The following ESRRG variants were observed in gnomAD, a reference collection of about 807,000 sequenced individuals.
ESRRG encodes estrogen related receptor gamma, also known as estrogen-related receptor gamma.
In ESRRG, 13 loss-of-function variants were observed where a neutral mutation model predicts 44.0. The ratio of observed to expected loss-of-function variants is 0.30; its 90% CI spans 0.19 to 0.47. The LOEUF (loss-of-function observed/expected upper bound fraction) is 0.47, where lower values mean the gene tolerates loss of function less well. Among genes scored for constraint, ESRRG ranks in the 20% least tolerant of loss-of-function variants. ESRRG has a pLI of 1.00. For missense variants in ESRRG, 395 were observed against 580.6 expected, an observed-to-expected ratio of 0.68 and a Z score of 3.29; for synonymous variants, 215 against 214.6, an observed-to-expected ratio of 1.00 and a Z score of -0.02.
chr1:216,923,982 C>T (rs958336264), intron 2 of ESRRG, among the ~76,000 whole-genome samples: 15 of 152,242 alleles, frequency 9.9e-5, no homozygotes, highest in African/African-American at 2.9e-4. Flanking sequence ...TGTTTACCTA[C>T]GAAGAAGATT....
intron 5 of ESRRG, among the ~76,000 whole-genome samples, chr1:216,559,001 C>T (rs1277522270): frequency 6.6e-6 from 1 of 151,976 alleles, no homozygotes. Flanking sequence ...TCCTGAGTAA[C>T]TGGGATTACA....
intron 1 of ESRRG, among the ~76,000 whole-genome samples, chr1:216,697,779 A>G (rs2080477608): frequency 6.6e-6 from 1 of 152,232 alleles, no homozygotes; most frequent in Admixed American, 6.5e-5. Context: ...GACAACTTCT[A>G]AAACTGCTTA....
intron 5 of ESRRG, among the ~76,000 whole-genome samples, chr1:216,540,551 T>G (rs2052395123): frequency 6.6e-6 from 1 of 151,994 alleles, no homozygotes; most frequent in Non-Finnish European, 1.5e-5. Flanking sequence ...TGTTTTCAAA[T>G]TTTTCATTTC....
intron 3 of ESRRG, among the ~76,000 whole-genome samples, chr1:216,571,700 C>T (rs1219295008): frequency 6.6e-6 from 1 of 152,040 alleles, no homozygotes; most frequent in Non-Finnish European, 1.5e-5. Context: ...ATTCATTTAT[C>T]CTAGCTATAC....
chr1:216,953,368 AC>A (rs964416390), intron 1 of ESRRG, among the ~76,000 whole-genome samples: 1 of 151,970 alleles, frequency 6.6e-6, no homozygotes, highest in East Asian at 1.9e-4. Context: ...CATTTATGTA[AC>A]CCCCCTGTTT....
chr1:216,848,502 A>G (rs1310231732), intron 2 of ESRRG, among the ~76,000 whole-genome samples: 1 of 152,068 alleles, frequency 6.6e-6, no homozygotes, highest in Non-Finnish European at 1.5e-5. Flanking sequence ...CAGTGTATAC[A>G]TTTCATATAA....
intron 2 of ESRRG, among the ~76,000 whole-genome samples, chr1:216,857,857 A>C (rs1282396352): frequency 6.6e-6 from 1 of 152,192 alleles, no homozygotes; most frequent in Non-Finnish European, 1.5e-5. Flanking sequence ...ACATACCCAC[A>C]TAAAAGTTCA....
intron 2 of ESRRG, among the ~76,000 whole-genome samples, chr1:216,755,865 A>G (rs1246403726): frequency 6.6e-6 from 1 of 152,022 alleles, no homozygotes; most frequent in African/African-American, 2.4e-5. Context: ...TTTGCTAATG[A>G]TTGTAGTTAA....
chr1:216,813,114 C>T (rs1407492203), intron 2 of ESRRG, among the ~76,000 whole-genome samples: 2 of 152,082 alleles, frequency 1.3e-5, no homozygotes, highest in Non-Finnish European at 2.9e-5. Flanking sequence ...TAACAGATCT[C>T]GTGAGCTGTG....
At chr1:216,546,980 G>A (rs1002951023) in intron 5 of ESRRG, among the ~76,000 whole-genome samples, 11 of 151,364 alleles carry the variant, frequency 7.3e-5, no homozygotes, top group African/African-American at 1.7e-4. Context: ...GACAGGCCCC[G>A]GTGTGTATGT....
At position 217,126,130 on chromosome 1, in the gene ESRRG, T is replaced by C. The variant is rs542839700; in HGVS notation, c.-230+11537A>G. 3.3e-5 allele frequency among the ~76,000 whole-genome samples: 5 copies of C among 152,274 alleles called. No individual in the cohort carries two copies. In the South Asian group the frequency reaches 8.3e-4, roughly 25 times the overall value. The stretch of plus-strand genomic sequence containing the variant: ...AGTCTCAGCTCTGCATCCAGACTAG[T>C]TGTGCGGTCATGGGCAGTAATCTCT... On this transcript the variant is annotated intron_variant, in intron 1 of 8. Coordinates refer to the ESRRG transcript ENST00000366940.
At chr1:216,800,490 G>A (rs939009716) in intron 2 of ESRRG, among the ~76,000 whole-genome samples, 2 of 152,158 alleles carry the variant, frequency 1.3e-5, no homozygotes, top group East Asian at 3.8e-4. Flanking sequence ...TTAATAAACA[G>A]GGATATATAT....
intron 1 of ESRRG, among the ~76,000 whole-genome samples, chr1:217,131,714 G>A (rs1280975566): frequency 6.6e-6 from 1 of 152,194 alleles, no homozygotes; most frequent in Non-Finnish European, 1.5e-5. Context: ...TGAACATATG[G>A]CTAATACATA....
chr1:216,894,701 G>A (rs1488383761), intron 2 of ESRRG, among the ~76,000 whole-genome samples: 3 of 152,072 alleles, frequency 2.0e-5, no homozygotes, highest in African/African-American at 7.2e-5. Flanking sequence ...GCGATTACTT[G>A]CCAAACCAGC....
chr1:216,894,838 T>C (rs2058232707), intron 2 of ESRRG, among the ~76,000 whole-genome samples: 1 of 152,186 alleles, frequency 6.6e-6, no homozygotes, highest in South Asian at 2.1e-4. Context: ...AAGCAGCAGC[T>C]TAATGAAGTA....
In ESRRG at chr1:216,962,548, AAGTAGGAAT is replaced by A. The variant is rs557113994; in HGVS notation, c.-105-22884_-105-22876del. Among the ~76,000 whole-genome samples, 13 of 136,952 alleles carry A rather than the reference AAGTAGGAAT, an allele frequency of 9.5e-5. No homozygotes were observed. In the South Asian group the frequency reaches 3.3e-3, roughly 35 times the overall value. The allele number at this position is 136,952 out of a possible 152,430, so 89.8% of individuals were successfully genotyped here. On this transcript the variant is annotated intron_variant, in intron 1 of 7. Coordinates refer to the ESRRG transcript ENST00000359162. The stretch of plus-strand genomic sequence containing the variant: ...CATCCATTAGATGGTGTGTTTCCAC[AAGTAGGAAT>A]CTTTTTTTTCTTTTTTCTTTTCTTT...
chr1:216,975,476 A>G (rs2072681974), intron 1 of ESRRG, among the ~76,000 whole-genome samples: 1 of 152,212 alleles, frequency 6.6e-6, no homozygotes, highest in African/African-American at 2.4e-5. Context: ...TTCTTCTATC[A>G]TGATGCAGTT....
At chr1:216,781,837 A>T (rs2093948195) in intron 2 of ESRRG, among the ~76,000 whole-genome samples, 1 of 152,074 alleles carries the variant, frequency 6.6e-6, no homozygotes, top group South Asian at 2.1e-4. Flanking sequence ...TAGCAGGCAG[A>T]TTGGCCAGTT....
At position 216,580,879 on chromosome 1, in the gene ESRRG, G is replaced by A. The variant is rs116146330; in HGVS notation, c.590-12781C>T. 5.2e-3 allele frequency among the ~76,000 whole-genome samples: 791 copies of A among 152,324 alleles called. 2 individuals carry two copies. Among genetic ancestry groups the A allele is most frequent in the Non-Finnish European group, 7.8e-3 (529 of 68,022 alleles). ...AAGCCTTTCTGGCACAGGTTTTAGC[G>A]TTCCCCTCACGCTGACCTTGGCCAA... On this transcript the variant is annotated intron_variant, in intron 3 of 6. Coordinates refer to ENST00000408911, the MANE Select transcript of ESRRG (RefSeq NM_001438.4).
Sources: gnomAD v4.1 joint callset for allele counts (sites outside exome capture counted in the v4.1 genomes callset) on GRCh38, gnomAD v4.1.1 for gene constraint, MANE v1.5 for transcripts, NCBI Gene and HGNC (gene_info 2026-07-23, HGNC 2026-07-21) for gene names.